The following SLC38A9 variants were observed in gnomAD, a reference collection of about 807,000 sequenced individuals.
The protein encoded by SLC38A9 is neutral amino acid transporter 9.
In SLC38A9, 48 loss-of-function variants were observed where a neutral mutation model predicts 62.3. The ratio of observed to expected loss-of-function variants is 0.77; its 90% CI spans 0.61 to 0.98. SLC38A9 has a LOEUF of 0.98. Among genes scored for constraint, SLC38A9 ranks in the 50% least tolerant of loss-of-function variants. The pLI is 0.00. For synonymous variants in SLC38A9, 204 were observed against 227.7 expected (o/e 0.90, Z 0.94); for missense variants, 541 against 679.8 (o/e 0.80, Z 2.27).
chr5:55,673,004 A>C (rs1284893985), intron 3 of SLC38A9, among the ~76,000 whole-genome samples: 1 of 152,242 alleles, frequency 6.6e-6, no homozygotes, highest in East Asian at 1.9e-4. Flanking sequence ...AGCAGCTATC[A>C]ATTTCCAACA....
rs771977471 is a variant in SLC38A9 at position 55,645,782 on chromosome 5, TACTC to T, written c.1167+3_1167+6del. The stretch of plus-strand genomic sequence containing the variant: ...TACAAAAGTCAATTCCAAAGATAAT[TACTC>T]ACATTGTTTTCTTGTTTCTTGTTGT... On this transcript the variant is annotated splice_donor_5th_base_variant and intron_variant, in intron 12 of 15. Transcript: ENST00000396865. 3.2e-6 allele frequency: 5 copies of T among 1,567,026 alleles called. No individual in the cohort carries two copies. The South Asian group carries it at 4.6e-5, about 14-fold the overall frequency.
intron 3 of SLC38A9, among the ~76,000 whole-genome samples, chr5:55,690,478 T>C (rs1656042149): frequency 6.6e-6 from 1 of 152,128 alleles, no homozygotes; most frequent in African/African-American, 2.4e-5. Context: ...GTAATACAAT[T>C]AGCAAGTTGG....
chr5:55,638,824 AGG>A (rs1267692922), intron 12 of SLC38A9, among the ~76,000 whole-genome samples: 1 of 152,216 alleles, frequency 6.6e-6, no homozygotes, highest in Admixed American at 6.5e-5. Context: ...AGAACAAAGC[AGG>A]GTAATACAAC....
At chr5:55,672,854 A>T in intron 3 of SLC38A9, 159 bp from the exon 4 acceptor site, 1 of 644,138 alleles carries the variant, frequency 1.6e-6, no homozygotes, top group Non-Finnish European at 2.6e-6. Context: ...GTTACAAAAG[A>T]AGTATTATCC....
At chr5:55,657,837 C>T (rs1748724249) in intron 8 of SLC38A9, 1 of 152,256 alleles carries the variant, frequency 6.6e-6, no homozygotes, top group African/African-American at 2.4e-5. Flanking sequence ...TTCATCTTCA[C>T]CGTATGTTTC....
intron 3 of SLC38A9, among the ~76,000 whole-genome samples, chr5:55,678,655 T>G (rs1210556158): frequency 7.5e-6 from 1 of 133,898 alleles, no homozygotes; most frequent in South Asian, 2.6e-4. Context: ...CTTTTTTTTT[T>G]TTTTTTTTTT....
chr5:55,710,202 C>CTTT (rs34035874), intron 2 of SLC38A9, among the ~76,000 whole-genome samples: 32 of 139,196 alleles, frequency 2.3e-4, no homozygotes, highest in African/African-American at 8.0e-4. Context: ...TAGGTGACAA[C>CTTT]TTTTTTTTTT....
intron 3 of SLC38A9, among the ~76,000 whole-genome samples, chr5:55,689,068 G>A (rs1056368156): frequency 6.6e-6 from 1 of 152,172 alleles, no homozygotes; most frequent in Non-Finnish European, 1.5e-5. Flanking sequence ...GGTCAGATCT[G>A]TATACACTAA....
In SLC38A9 at chr5:55,695,475, G is replaced by A. The variant is rs1417563026; in HGVS notation, c.113+2371C>T. ...TTAGGGAGTGGTGATGGCTCTTAAT[G>A]AGCATGCTGCCTTCAAGCATCTGTT... On this transcript the variant is annotated intron_variant, in intron 3 of 15. Coordinates refer to ENST00000396865, the MANE Select transcript of SLC38A9 (RefSeq NM_173514.4). Among the ~76,000 whole-genome samples the A allele has an allele frequency of 8.5e-5, 8 of 93,700 alleles. 2 individuals are homozygous for A. The East Asian group carries it at 1.0e-3, about 12-fold the overall frequency. 61.5% of individuals were successfully genotyped at this position (93,700 alleles called of 152,430 possible). A position where few individuals can be genotyped will look rare whatever the true frequency, so the allele number is the denominator to read the frequency against.
rs1329022248 is a variant in SLC38A9, at chr5:55,651,246, ATCT to A, written c.952+1280_952+1282del. ...TTTCACTGGGGGGGTTCCTTTTGCC[ATCT>A]TTTTTTTTTTTTTTTTTTTAAGACA... On this transcript the variant is annotated intron_variant, in intron 10 of 15. Transcript: ENST00000396865. Among the ~76,000 whole-genome samples, 74 of 114,114 alleles carry A rather than the reference ATCT, an allele frequency of 6.5e-4. 9 individuals carry two copies. In the South Asian group the frequency reaches 8.7e-3, roughly 13 times the overall value. The allele number at this position is 114,114 out of a possible 152,430, so 74.9% of individuals were successfully genotyped here. A position where few individuals can be genotyped will look rare whatever the true frequency, so the allele number is the denominator to read the frequency against.
At position 55,700,395 on chromosome 5, in the gene SLC38A9, G is replaced by A. The variant is rs1756497323; in HGVS notation, c.-34-2403C>T. Among the ~76,000 whole-genome samples, 3 of 148,822 alleles carry A rather than the reference G, an allele frequency of 2.0e-5. No homozygotes were observed. In the South Asian group the frequency reaches 6.4e-4, roughly 32 times the overall value. On this transcript the variant is annotated intron_variant, in intron 2 of 15. Transcript: ENST00000396865. ...AAGAACTAAAATCCCAGACCAAAGGGGAAAAAAAAAGTCAGACGAAGGTCT... is the reference window on the plus strand; with the variant it reads ...AAGAACTAAAATCCCAGACCAAAGGAGAAAAAAAAAGTCAGACGAAGGTCT...
chr5:55,654,573 G>A (rs1748071603), intron 9 of SLC38A9, among the ~76,000 whole-genome samples: 1 of 151,506 alleles, frequency 6.6e-6, no homozygotes, highest in African/African-American at 2.4e-5. Flanking sequence ...GCCACTATAG[G>A]CCAGCCTAGG....
At chr5:55,635,053 G>C (rs1189063851) in intron 13 of SLC38A9, 1 of 120,244 alleles carries the variant, frequency 8.3e-6, no homozygotes, top group Non-Finnish European at 1.8e-5. Flanking sequence ...CTCTTTTTTT[G>C]TTTTGCTGCC....
chr5:55,664,917 T>C, intron 7 of SLC38A9, 54 bp from the exon 8 acceptor site: 1 of 1,252,402 alleles, frequency 8.0e-7, no homozygotes, highest in Non-Finnish European at 1.1e-6. Context: ...TATTCCATAT[T>C]CATAATTTGT....
chr5:55,698,903 C>A (rs184227785), intron 2 of SLC38A9, among the ~76,000 whole-genome samples: 184 of 152,130 alleles, frequency 1.2e-3, no homozygotes, highest in African/African-American at 4.1e-3. Context: ...CGCCACTGCA[C>A]TCCAGCCACC....
chr5:55,626,502 A>G lies in SLC38A9; in HGVS notation c.1678T>C (p.Phe560Leu), dbSNP rs1190883683. The change falls in exon 16 of 16, where the codon TTT becomes CTT. Residue 560 changes from phenylalanine to leucine, a missense_variant. Coordinates refer to ENST00000396865, the MANE Select transcript of SLC38A9 (RefSeq NM_173514.4). Reference sequence around the variant, plus strand: ...AAAACAGTTGAGGTATTTCACATAAAAAACTGAACAATCAGGTTAGCCACG... The same window carrying G: ...AAAACAGTTGAGGTATTTCACATAAGAAACTGAACAATCAGGTTAGCCACG... Reference protein sequence around the residue: ...LGVANLIVQFFM With the variant: ...LGVANLIVQFLM 7 of 1,610,886 alleles carry G rather than the reference A, an allele frequency of 4.3e-6. No individual in the cohort carries two copies. Among genetic ancestry groups the G allele is most frequent in the Non-Finnish European group, 5.9e-6 (7 of 1,178,958 alleles).
chr5:55,649,372 T>C, intron 10 of SLC38A9, 58 bp from the exon 11 acceptor site: 2 of 1,098,154 alleles, frequency 1.8e-6, no homozygotes, highest in Admixed American at 2.7e-5. Flanking sequence ...CAGATTATTT[T>C]AAAATCAAGC....
chr5:55,669,643 G>A (rs1191115362), intron 5 of SLC38A9, 23 bp from the exon 6 acceptor site: 2 of 1,595,542 alleles, frequency 1.3e-6, no homozygotes, highest in Admixed American at 1.8e-5. Flanking sequence ...AGTAATAGCA[G>A]TAAAAAAATG....
chr5:55,682,526 C>T (rs896139863), intron 3 of SLC38A9, among the ~76,000 whole-genome samples: 7 of 152,138 alleles, frequency 4.6e-5, no homozygotes, highest in Non-Finnish European at 8.8e-5. Flanking sequence ...GGTGTGGTGG[C>T]TCATGCTTGT....
Sources: allele counts gnomAD v4.1 joint callset (sites outside exome capture counted in the v4.1 genomes callset), GRCh38; gene constraint gnomAD v4.1.1; transcripts MANE v1.5; gene names NCBI Gene and HGNC (gene_info 2026-07-23, HGNC 2026-07-21).